The following CA10 variants were observed in gnomAD, a reference collection of about 807,000 sequenced individuals.
The protein encoded by CA10 is carbonic anhydrase-related protein 10.
Under a neutral mutation model 44.2 loss-of-function variants are expected in CA10, and 14 were observed. The observed-to-expected ratio is 0.32, with a 90% CI of 0.21 to 0.50. CA10 has a LOEUF of 0.50. Ranked by LOEUF, CA10 falls within the 20% of genes least tolerant of loss-of-function variation. The probability of loss-of-function intolerance (pLI) is 0.99; values close to 1 mark genes in which losing one functional copy is unlikely to be tolerated. For synonymous variants in CA10, 159 were observed against 141.6 expected, an observed-to-expected ratio of 1.12 and a Z score of -0.87; for missense variants, 350 against 409.7, an observed-to-expected ratio of 0.85 and a Z score of 1.26.
chr17:51,891,403 G>T (rs555583133), intron 3 of CA10, among the ~76,000 whole-genome samples: 1 of 152,214 alleles, frequency 6.6e-6, no homozygotes, highest in African/African-American at 2.4e-5. Context: ...CTGTTGAATG[G>T]GGAAGTCAGA....
At chr17:52,075,202 T>C (rs928844915) in intron 1 of CA10, among the ~76,000 whole-genome samples, 1 of 152,160 alleles carries the variant, frequency 6.6e-6, no homozygotes, top group Non-Finnish European at 1.5e-5. Context: ...AGGAACATAA[T>C]GTAAAACAAA....
intron 1 of CA10, among the ~76,000 whole-genome samples, chr17:52,157,506 A>T (rs1989828799): frequency 6.9e-6 from 1 of 144,548 alleles, no homozygotes; most frequent in African/African-American, 2.6e-5. Flanking sequence ...TCACCCTTCT[A>T]GGACTGCACA....
intron 3 of CA10, among the ~76,000 whole-genome samples, chr17:51,831,802 A>G (rs1908289138): frequency 6.6e-6 from 1 of 151,572 alleles, no homozygotes; most frequent in Non-Finnish European, 1.5e-5. Context: ...TAGTTGCAAA[A>G]GGATCTGACA....
At chr17:51,678,362 G>A (rs7211878) in intron 4 of CA10, among the ~76,000 whole-genome samples, 124,914 of 152,132 alleles carry the variant, frequency 0.82, 51,770 homozygotes, top group Admixed American at 0.87. Flanking sequence ...CTTTTATACT[G>A]TTAAAATTAA....
At chr17:51,722,369 C>T (rs1333158236) in intron 4 of CA10, among the ~76,000 whole-genome samples, 2 of 152,086 alleles carry the variant, frequency 1.3e-5, no homozygotes, top group Non-Finnish European at 2.9e-5. Flanking sequence ...ACATTAAGGT[C>T]CATTGCAAAT....
intron 4 of CA10, among the ~76,000 whole-genome samples, chr17:51,704,234 A>T (rs1426360444): frequency 1.3e-5 from 2 of 152,112 alleles, no homozygotes; most frequent in Non-Finnish European, 2.9e-5. Flanking sequence ...TTATCCATCC[A>T]ACATATACTG....
At chr17:51,737,182 G>A (rs1162348950) in intron 4 of CA10, among the ~76,000 whole-genome samples, 1 of 152,160 alleles carries the variant, frequency 6.6e-6, no homozygotes, top group Non-Finnish European at 1.5e-5. Context: ...GACCAACCAT[G>A]CAACTGAAAG....
chr17:52,094,985 A>G (rs1213266239), intron 1 of CA10, among the ~76,000 whole-genome samples: 2 of 152,196 alleles, frequency 1.3e-5, no homozygotes, highest in African/African-American at 2.4e-5. Context: ...TGCAAAAAAT[A>G]TTAGTGCGCA....
intron 2 of CA10, among the ~76,000 whole-genome samples, chr17:52,037,073 A>G (rs1198158397): frequency 6.6e-6 from 1 of 152,104 alleles, no homozygotes; most frequent in Non-Finnish European, 1.5e-5. Context: ...GGTAACCAAG[A>G]ATTGGGAAAA....
intron 2 of CA10, among the ~76,000 whole-genome samples, chr17:52,008,418 G>A (rs1199202701): frequency 1.3e-5 from 2 of 151,740 alleles, no homozygotes; most frequent in African/African-American, 2.4e-5. Context: ...TAGGGAATGG[G>A]GTGCGTAAAG....
At chr17:51,945,652 T>C (rs1266077843) in intron 2 of CA10, among the ~76,000 whole-genome samples, 1 of 152,134 alleles carries the variant, frequency 6.6e-6, no homozygotes, top group Non-Finnish European at 1.5e-5. Flanking sequence ...AGTATCAGAA[T>C]AAAACCACTT....
chr17:51,834,270 T>C (rs1908393427), intron 3 of CA10, among the ~76,000 whole-genome samples: 2 of 152,188 alleles, frequency 1.3e-5, no homozygotes, highest in Non-Finnish European at 2.9e-5. Flanking sequence ...AAGCAACATA[T>C]GATGCATGCA....
intron 3 of CA10, among the ~76,000 whole-genome samples, chr17:51,779,376 T>C (rs1381833568): frequency 6.6e-6 from 1 of 152,188 alleles, no homozygotes; most frequent in Non-Finnish European, 1.5e-5. Flanking sequence ...TGCGTCCATG[T>C]GATGCATTAA....
At chr17:51,735,650 A>C (rs780714734) in intron 4 of CA10, among the ~76,000 whole-genome samples, 1 of 152,218 alleles carries the variant, frequency 6.6e-6, no homozygotes, top group Admixed American at 6.5e-5. Context: ...TGTGCAAACA[A>C]CTATTCTGAG....
chr17:51,681,221 T>C (rs772334958), intron 4 of CA10, among the ~76,000 whole-genome samples: 10 of 152,156 alleles, frequency 6.6e-5, no homozygotes, highest in Non-Finnish European at 1.2e-4. Context: ...TGGTAATAGA[T>C]TGTTTTAAGT....
chr17:51,849,145 T>TTATATATATACATATATG (rs1567860176), intron 3 of CA10, among the ~76,000 whole-genome samples: 5 of 127,938 alleles, frequency 3.9e-5, no homozygotes, highest in African/African-American at 1.4e-4. Flanking sequence ...ACTTAGTTTT[T>TTATATATATACATATATG]TATATATATA....
At chr17:52,142,686 C>T (rs1482262617) in intron 1 of CA10, among the ~76,000 whole-genome samples, 2 of 152,150 alleles carry the variant, frequency 1.3e-5, no homozygotes, top group African/African-American at 4.8e-5. Context: ...AGCCTACAAC[C>T]CCTGCAGGCA....
At chr17:51,884,952 A>G (rs568639053) in intron 3 of CA10, among the ~76,000 whole-genome samples, 2 of 152,232 alleles carry the variant, frequency 1.3e-5, no homozygotes, top group Non-Finnish European at 2.9e-5. Context: ...CCCTTTCTCT[A>G]TGAGGATATC....
intron 2 of CA10, among the ~76,000 whole-genome samples, chr17:52,068,384 A>G (rs1400382823): frequency 6.6e-6 from 1 of 152,218 alleles, no homozygotes; most frequent in Non-Finnish European, 1.5e-5. Flanking sequence ...ACTGTGAGTC[A>G]ATTAAACCTC....
Sources: allele counts gnomAD v4.1 joint callset (sites outside exome capture counted in the v4.1 genomes callset), GRCh38; gene constraint gnomAD v4.1.1; transcripts MANE v1.5; gene names NCBI Gene and HGNC (gene_info 2026-07-23, HGNC 2026-07-21).